Variants in RGL1 observed in about 807,000 individuals in gnomAD.
The protein encoded by RGL1 is ral guanine nucleotide dissociation stimulator-like 1.
Under a neutral mutation model 95.2 loss-of-function variants are expected in RGL1, and 24 were observed. That is an observed-to-expected ratio of 0.25 (90% CI 0.18 to 0.35). The LOEUF (loss-of-function observed/expected upper bound fraction) is 0.35, where lower values mean the gene tolerates loss of function less well. Ranked by LOEUF, RGL1 falls within the 10% of genes least tolerant of loss-of-function variation. The pLI is 1.00. For missense variants in RGL1, 715 were observed against 936.3 expected (o/e 0.76, Z 3.08); for synonymous variants, 329 against 344.9 (o/e 0.95, Z 0.51).
At chr1:183,729,012 T>G (rs990177838) in intron 1 of RGL1, among the ~76,000 whole-genome samples, 2 of 152,182 alleles carry the variant, frequency 1.3e-5, no homozygotes, top group East Asian at 3.8e-4. Flanking sequence ...ACTATACAAC[T>G]TCTGGAAGAA....
chr1:183,868,775 C>T (rs1665987552), intron 4 of RGL1, among the ~76,000 whole-genome samples: 1 of 152,154 alleles, frequency 6.6e-6, no homozygotes, highest in Non-Finnish European at 1.5e-5. Flanking sequence ...TCTAGAGCTG[C>T]CATTCAATTA....
intron 1 of RGL1, among the ~76,000 whole-genome samples, chr1:183,659,763 A>G (rs571107021): frequency 1.3e-5 from 2 of 151,544 alleles, no homozygotes; most frequent in East Asian, 3.9e-4. Context: ...TGTCAGATTC[A>G]CCAAAGTTGA....
At chr1:183,685,759 T>C (rs950782491) in intron 1 of RGL1, among the ~76,000 whole-genome samples, 3 of 152,204 alleles carry the variant, frequency 2.0e-5, no homozygotes, top group Non-Finnish European at 4.4e-5. Flanking sequence ...TAACATGTGG[T>C]AATACAGTAA....
Position 183,667,708 on chromosome 1 carries a change from T to C in RGL1, c.-33+31207T>C, listed in dbSNP as rs141552528. Among the ~76,000 whole-genome samples the C allele has an allele frequency of 4.1e-3, 627 of 152,308 alleles. 1 individual carries two copies. Among genetic ancestry groups the C allele is most frequent in the Non-Finnish European group, 6.9e-3 (470 of 68,018 alleles). On this transcript the variant is annotated intron_variant, in intron 1 of 18. Coordinates refer to the RGL1 transcript ENST00000304685. Reference sequence around the variant, plus strand: ...TACTGTTTTTTATTTGTTGCTCTTATTCTTTGTTTCTATTTTTGCCTTCCA... The same window carrying C: ...TACTGTTTTTTATTTGTTGCTCTTACTCTTTGTTTCTATTTTTGCCTTCCA...
intron 2 of RGL1, among the ~76,000 whole-genome samples, chr1:183,749,144 T>TCAA (rs1657839164): frequency 6.6e-6 from 1 of 152,210 alleles, no homozygotes; most frequent in African/African-American, 2.4e-5. Context: ...GTCCGCTTGG[T>TCAA]CCAGAGCTGA....
chr1:183,805,071 G>A, upstream of RGL1: 1 of 407,790 alleles, frequency 2.5e-6, no homozygotes, highest in Non-Finnish European at 4.3e-6. Flanking sequence ...GGAGTGGCGT[G>A]GGGAGGAGTC....
chr1:183,825,701 A>C (rs1662799790), intron 2 of RGL1, among the ~76,000 whole-genome samples: 1 of 152,238 alleles, frequency 6.6e-6, no homozygotes, highest in South Asian at 2.1e-4. Flanking sequence ...GTTTATATAA[A>C]GTCATAATGA....
At chr1:183,718,911 T>TA (rs1362384520) in intron 1 of RGL1, among the ~76,000 whole-genome samples, 4 of 151,330 alleles carry the variant, frequency 2.6e-5, no homozygotes, top group African/African-American at 4.9e-5. Flanking sequence ...AGACTCTGTC[T>TA]AAAAAAAACA....
intron 3 of RGL1, among the ~76,000 whole-genome samples, chr1:183,855,373 GGTAA>G (rs1294417232): frequency 1.3e-5 from 2 of 152,118 alleles, no homozygotes; most frequent in Non-Finnish European, 2.9e-5. Flanking sequence ...ATGAGAAGCT[GGTAA>G]GTGTTTTTGA....
Position 183,884,779 on chromosome 1 carries a change from G to A in RGL1, c.792G>A (p.Arg264=). Residue 264 remains arginine, a synonymous_variant, in exon 7 of 18, where the codon AGG becomes AGA. Coordinates refer to ENST00000360851, the MANE Select transcript of RGL1 (RefSeq NM_001297671.3). ...GCCTGGGCTGCATTTGGTCTCGAAG[G>A]GATAAGAAGGAAAACAAACATTTGG... The part of the protein sequence containing the change: ...HHCLGCIWSR[R]DKKENKHLAP... 1 of 1,614,022 alleles carries A rather than the reference G, an allele frequency of 6.2e-7. No homozygotes were observed. The highest frequency in any genetic ancestry group is 8.5e-7 in the Non-Finnish European group (1 of 1,179,974).
At chr1:183,721,968 AT>A (rs1408778489) in intron 1 of RGL1, among the ~76,000 whole-genome samples, 1 of 152,256 alleles carries the variant, frequency 6.6e-6, no homozygotes, top group African/African-American at 2.4e-5. Context: ...CACCATTGTG[AT>A]TCAGCATCTG....
intron 2 of RGL1, among the ~76,000 whole-genome samples, chr1:183,822,729 C>T (rs536571473): frequency 6.6e-6 from 1 of 152,326 alleles, no homozygotes; most frequent in Non-Finnish European, 1.5e-5. Context: ...AATTTGAGCA[C>T]TTACTATGTG....
At position 183,875,871 on chromosome 1, in the gene RGL1, C is replaced by CAAAA. The variant is rs375478958; in HGVS notation, c.426-4727_426-4724dup. Among the ~76,000 whole-genome samples, 88 of 99,372 alleles carry CAAAA rather than the reference C, an allele frequency of 8.9e-4. 1 individual carries two copies. The highest frequency in any genetic ancestry group is 3.1e-3 in the East Asian group (11 of 3,522). The allele number at this position is 99,372 out of a possible 152,430, so 65.2% of individuals were successfully genotyped here. On this transcript the variant is annotated intron_variant, in intron 4 of 17. Coordinates refer to ENST00000360851, the MANE Select transcript of RGL1 (RefSeq NM_001297671.3). The stretch of plus-strand genomic sequence containing the variant: ...TCCAGCCTGGGCGACAGCTCTGTCT[C>CAAAA]AAAAAAAAAAAAAAAAAAAAATCAA...
At chr1:183,816,758 T>G (rs10911441) in intron 2 of RGL1, among the ~76,000 whole-genome samples, 45,862 of 152,124 alleles carry the variant, frequency 0.3, 7,256 homozygotes, top group Middle Eastern at 0.37. Flanking sequence ...CTTGCCTTTC[T>G]TCCTTCATTC....
chr1:183,732,108 A>G (rs941156750), intron 1 of RGL1, among the ~76,000 whole-genome samples: 1 of 152,176 alleles, frequency 6.6e-6, no homozygotes, highest in Non-Finnish European at 1.5e-5. Flanking sequence ...CCATCTTGTT[A>G]TAGTCAGTCA....
At chr1:183,924,079 ACCAGAAATG>A (rs1443671533) in intron 17 of RGL1, among the ~76,000 whole-genome samples, 1 of 152,166 alleles carries the variant, frequency 6.6e-6, no homozygotes, top group Non-Finnish European at 1.5e-5. Flanking sequence ...AGGATCTAGA[ACCAGAAATG>A]CCATTTGACC....
At chr1:183,885,530 C>T (rs188654417) in intron 7 of RGL1, among the ~76,000 whole-genome samples, 8 of 152,304 alleles carry the variant, frequency 5.3e-5, no homozygotes, top group Admixed American at 5.2e-4. Flanking sequence ...TCACATTCTT[C>T]TGAGTGTTGG....
At chr1:183,645,916 G>A (rs1282583747) in intron 1 of RGL1, among the ~76,000 whole-genome samples, 1 of 152,210 alleles carries the variant, frequency 6.6e-6, no homozygotes, top group Non-Finnish European at 1.5e-5. Flanking sequence ...AAGTTTAACT[G>A]CCAAAGGCAC....
chr1:183,705,236 G>A (rs1654834291), intron 1 of RGL1, among the ~76,000 whole-genome samples: 1 of 152,122 alleles, frequency 6.6e-6, no homozygotes, highest in South Asian at 2.1e-4. Flanking sequence ...AGTTTGTGGA[G>A]GTGGGAGGGA....
Sources: allele counts gnomAD v4.1 joint callset (sites outside exome capture counted in the v4.1 genomes callset), GRCh38; gene constraint gnomAD v4.1.1; transcripts MANE v1.5; gene names NCBI Gene and HGNC (gene_info 2026-07-23, HGNC 2026-07-21).